TSPAN9: variants seen among roughly 807,000 people sequenced by gnomAD.
The protein encoded by TSPAN9 is tetraspanin 9.
In TSPAN9, 16 loss-of-function variants were observed where a neutral mutation model predicts 31.0. The ratio of observed to expected loss-of-function variants is 0.52; its 90% confidence interval spans 0.35 to 0.78. The LOEUF (loss-of-function observed/expected upper bound fraction) is 0.78. TSPAN9 is among the 30% of genes least tolerant of loss of function. The pLI is 0.01. For synonymous variants in TSPAN9, 145 were observed against 121.6 expected, an observed-to-expected ratio of 1.19 and a Z score of -1.27; for missense variants, 272 against 312.5, an observed-to-expected ratio of 0.87 and a Z score of 0.98.
At chr12:3,081,807 A>AT in intron 1 of TSPAN9, among the ~76,000 whole-genome samples, 1 of 103,548 alleles carries the variant, frequency 9.7e-6, no homozygotes, top group East Asian at 3.1e-4. Flanking sequence ...TATCTAAAAA[A>AT]TTGTGTGTGT....
intron 2 of TSPAN9, among the ~76,000 whole-genome samples, chr12:3,112,293 C>T (rs569428065): frequency 1.3e-5 from 2 of 151,432 alleles, no homozygotes; most frequent in African/African-American, 4.9e-5. Flanking sequence ...TCTCCTGCCT[C>T]AGCCTCCTTA....
At chr12:3,264,949 G>A (rs1017132392) in intron 3 of TSPAN9, among the ~76,000 whole-genome samples, 6 of 152,332 alleles carry the variant, frequency 3.9e-5, no homozygotes, top group South Asian at 4.1e-4. Flanking sequence ...AGCCACGGCT[G>A]TCTCTAACCC....
chr12:3,096,010 C>A lies in TSPAN9; in HGVS notation c.-18+12291C>A, dbSNP rs887323659. On this transcript the variant is annotated intron_variant, in intron 2 of 8. Transcript: ENST00000011898. ...GGCTGCTCCTTGCCCTCGGGCCCCG[C>A]GGGGCCTGTCCGCTCCTCCAGCCGC... Among the ~76,000 whole-genome samples, 236 of 148,648 alleles carry A rather than the reference C, an allele frequency of 1.6e-3. 2 individuals carry two copies. The highest frequency in any genetic ancestry group is 1.4e-3 in the Non-Finnish European group (97 of 67,542).
intron 2 of TSPAN9, among the ~76,000 whole-genome samples, chr12:3,155,560 C>T (rs2098341796): frequency 6.6e-6 from 1 of 151,706 alleles, no homozygotes; most frequent in African/African-American, 2.4e-5. Flanking sequence ...GATTATGCCA[C>T]TGTGGCCCTG....
At chr12:3,122,763 C>T (rs2098325727) in intron 2 of TSPAN9, among the ~76,000 whole-genome samples, 1 of 152,194 alleles carries the variant, frequency 6.6e-6, no homozygotes, top group Non-Finnish European at 1.5e-5. Flanking sequence ...TCTTGCTACA[C>T]AGTATGTCCT....
intron 3 of TSPAN9, among the ~76,000 whole-genome samples, chr12:3,244,460 G>A (rs1456439017): frequency 1.3e-5 from 2 of 152,194 alleles, no homozygotes; most frequent in African/African-American, 4.8e-5. Context: ...CTGGAGCCAG[G>A]TCCCAGCCCC....
intron 3 of TSPAN9, among the ~76,000 whole-genome samples, chr12:3,202,778 G>T (rs1004770053): frequency 1.3e-5 from 2 of 152,132 alleles, no homozygotes; most frequent in African/African-American, 4.8e-5. Context: ...CATGGGTTGG[G>T]CCCTCCAGCC....
At chr12:3,182,413 G>A (rs2098358960) in intron 2 of TSPAN9, among the ~76,000 whole-genome samples, 1 of 151,980 alleles carries the variant, frequency 6.6e-6, no homozygotes, top group African/African-American at 2.4e-5. Context: ...CTTGGCCTAA[G>A]GTGAGGGAGC....
Position 3,283,246 on chromosome 12 carries a change from C to G in TSPAN9, c.*130C>G. On this transcript the variant is annotated 3_prime_UTR_variant, in exon 9 of 9. Coordinates refer to ENST00000011898, the MANE Select transcript of TSPAN9 (RefSeq NM_006675.5). Reference sequence around the variant, plus strand: ...ACCCCCCACAGCCTGCCCTACCCCACCTACCCTGCCTCAGCCTCGGACTTC... The same window carrying G: ...ACCCCCCACAGCCTGCCCTACCCCAGCTACCCTGCCTCAGCCTCGGACTTC... 1 of 892,806 alleles carries G rather than the reference C, an allele frequency of 1.1e-6. No homozygotes were observed. The highest frequency in any genetic ancestry group is 1.7e-6 in the Non-Finnish European group (1 of 602,096). 55.3% of individuals were successfully genotyped at this position (892,806 alleles called of 1,614,324 possible).
intron 2 of TSPAN9, among the ~76,000 whole-genome samples, chr12:3,198,294 CCAGCACAGGCCACCACCAGCACCAT>C (rs2098368494): frequency 5.2e-5 from 6 of 116,426 alleles, no homozygotes; most frequent in Admixed American, 9.5e-5. Flanking sequence ...CAGCTCACCA[CCAGCACAGGCCACCACCAGCACCAT>C]CAGCACAGGC....
rs113011804 is a variant in TSPAN9, at chr12:3,187,943, C to G, written c.-17-13234C>G. On this transcript the variant is annotated intron_variant, in intron 2 of 8. Transcript: ENST00000011898. The surrounding 1 kb of genome is among the most constrained non-coding windows in gnomAD (Gnocchi z 5.2). ...GCTCTTTGCCCAGATGCAGATGGAG[C>G]GTTTGCTCTGTAATGCTAATTCTCC... 2.6e-5 allele frequency among the ~76,000 whole-genome samples: 4 copies of G among 152,134 alleles called. No homozygotes were observed.
At position 3,280,370 on chromosome 12, in the gene TSPAN9, T is replaced by C. The variant is rs1862870882; in HGVS notation, c.331-12T>C. 1 of 1,606,330 alleles carries C rather than the reference T, an allele frequency of 6.2e-7. No homozygotes were observed. The highest frequency in any genetic ancestry group is 1.7e-5 in the Admixed American group (1 of 59,968). On this transcript the variant is annotated splice_polypyrimidine_tract_variant and intron_variant, in intron 5 of 8. Coordinates refer to ENST00000011898, the MANE Select transcript of TSPAN9 (RefSeq NM_006675.5). This position sits in a 1 kb window ranked among gnomAD's most constrained non-coding sequence, Gnocchi z 4.5. Reference sequence around the variant, plus strand: ...GGTTCCAACCGTCTCACTGTGTCCCTCCGCCTGGCAGGTGAACGAGAACGC... The same window carrying C: ...GGTTCCAACCGTCTCACTGTGTCCCCCCGCCTGGCAGGTGAACGAGAACGC...
chr12:3,153,912 G>C (rs1380199286), intron 2 of TSPAN9, among the ~76,000 whole-genome samples: 1 of 149,966 alleles, frequency 6.7e-6, no homozygotes, highest in Non-Finnish European at 1.5e-5. Flanking sequence ...CTAGCTGTCT[G>C]TTCCCCTTTC....
At chr12:3,174,333 C>T (rs988373469) in intron 2 of TSPAN9, among the ~76,000 whole-genome samples, 1 of 152,216 alleles carries the variant, frequency 6.6e-6, no homozygotes, top group South Asian at 2.1e-4. Context: ...TTCCAAAGTG[C>T]TGGGGTTACA....
chr12:3,127,971 A>T (rs1485704723), intron 2 of TSPAN9, among the ~76,000 whole-genome samples: 2 of 152,134 alleles, frequency 1.3e-5, no homozygotes, highest in Non-Finnish European at 2.9e-5. Context: ...GCTTGTTTAC[A>T]TCAGCATCAC....
rs374126756 is a variant in TSPAN9, at chr12:3,220,131, G to A, written c.63+18875G>A. On this transcript the variant is annotated intron_variant, in intron 3 of 8. Transcript: ENST00000011898. ...TTGCACTCCAGCCTGGGTGACAAGA[G>A]CGAAACTCTGTCTCAAAAAAAAAAA... Among the ~76,000 whole-genome samples the A allele has an allele frequency of 8.9e-3, 1,050 of 117,534 alleles. 5 individuals are homozygous for A. The highest frequency in any genetic ancestry group is 0.051 in the Middle Eastern group (12 of 236). The allele number at this position is 117,534 out of a possible 152,430, so 77.1% of individuals were successfully genotyped here.
At chr12:3,225,589 C>T (rs2098386781) in intron 3 of TSPAN9, among the ~76,000 whole-genome samples, 1 of 152,054 alleles carries the variant, frequency 6.6e-6, no homozygotes, top group African/African-American at 2.4e-5. Flanking sequence ...GTTGTTGCAT[C>T]CTCGTGGGAA....
At chr12:3,228,952 T>TCTC (rs892774005) in intron 3 of TSPAN9, among the ~76,000 whole-genome samples, 2 of 152,144 alleles carry the variant, frequency 1.3e-5, no homozygotes, top group African/African-American at 4.8e-5. Flanking sequence ...CAATCCCTCA[T>TCTC]CTCCTCCTCC....
At chr12:3,189,913 C>G (rs1407568019) in intron 2 of TSPAN9, among the ~76,000 whole-genome samples, 1 of 152,200 alleles carries the variant, frequency 6.6e-6, no homozygotes, top group African/African-American at 2.4e-5. Flanking sequence ...AGCCATAAGA[C>G]AGCCATTAGG....
Sources: allele counts gnomAD v4.1 joint callset (sites outside exome capture counted in the v4.1 genomes callset), GRCh38; gene constraint gnomAD v4.1.1; non-coding constraint Gnocchi (gnomAD v3.1); transcripts MANE v1.5; gene names NCBI Gene and HGNC (gene_info 2026-07-23, HGNC 2026-07-21).